The following IMMP2L variants were observed in gnomAD, a reference collection of about 807,000 sequenced individuals.
IMMP2L encodes inner mitochondrial membrane peptidase subunit 2.
A neutral mutation model predicts 19.3 loss-of-function variants in IMMP2L; 18 were observed. That is an observed-to-expected ratio of 0.93 (90% CI 0.64 to 1.38). IMMP2L has a LOEUF of 1.38. Ranked by LOEUF, IMMP2L falls within the 40% of genes most tolerant of loss-of-function variation. The pLI, the probability that IMMP2L is intolerant of heterozygous loss-of-function variation, is 0.00. For missense variants in IMMP2L, 233 were observed against 218.2 expected (o/e 1.07, Z -0.43); for synonymous variants, 76 against 73.0 (o/e 1.04, Z -0.21).
intron 4 of IMMP2L, among the ~76,000 whole-genome samples, chr7:110,916,976 G>A (rs1279301359): frequency 1.3e-5 from 2 of 152,098 alleles, no homozygotes; most frequent in East Asian, 3.9e-4. Flanking sequence ...AACCTATGAA[G>A]GTGATGTTCT....
intron 3 of IMMP2L, among the ~76,000 whole-genome samples, chr7:111,416,185 A>ATGGGATATGTACTTT (rs1834940686): frequency 1.3e-5 from 2 of 151,948 alleles, no homozygotes; most frequent in South Asian, 4.1e-4. Flanking sequence ...TATCCCATTA[A>ATGGGATATGTACTTT]AGTACATATT....
At chr7:111,551,014 T>C (rs1429094777) in intron 1 of IMMP2L, among the ~76,000 whole-genome samples, 2 of 152,164 alleles carry the variant, frequency 1.3e-5, no homozygotes, top group Non-Finnish European at 2.9e-5. Flanking sequence ...GTTTACATAA[T>C]GGGAAAATCA....
rs1459474353 is a variant in IMMP2L at position 111,450,712 on chromosome 7, A to T, written c.239+36526T>A. Among the ~76,000 whole-genome samples the T allele has an allele frequency of 3.3e-5, 5 of 151,182 alleles. No homozygotes were observed. In the South Asian group the frequency reaches 1.0e-3, roughly 32 times the overall value. Reference sequence around the variant, plus strand: ...ACCAAAGCCAAAATTGACAAATGGGATCTAATTAAACTAAAGAGCTTCTGC... The same window carrying T: ...ACCAAAGCCAAAATTGACAAATGGGTTCTAATTAAACTAAAGAGCTTCTGC... On this transcript the variant is annotated intron_variant, in intron 3 of 5. Transcript: ENST00000405709.
intron 3 of IMMP2L, among the ~76,000 whole-genome samples, chr7:111,053,073 C>T (rs149110516): frequency 1.3e-5 from 2 of 152,282 alleles, no homozygotes; most frequent in African/African-American, 4.8e-5. Flanking sequence ...GGCCATAACG[C>T]AGAAGCAGAG....
intron 5 of IMMP2L, among the ~76,000 whole-genome samples, chr7:110,848,358 A>T (rs1805874406): frequency 6.6e-6 from 1 of 152,174 alleles, no homozygotes; most frequent in African/African-American, 2.4e-5. Flanking sequence ...CAACAATGAG[A>T]TACCACCACA....
chr7:111,061,743 C>T (rs969548543), intron 3 of IMMP2L, among the ~76,000 whole-genome samples: 6 of 145,996 alleles, frequency 4.1e-5, no homozygotes, highest in Non-Finnish European at 9.4e-5. Flanking sequence ...CAATTCTCCA[C>T]AGTTCAGCCA....
At chr7:110,748,324 TAA>T (rs1797496432) in intron 5 of IMMP2L, among the ~76,000 whole-genome samples, 1 of 152,048 alleles carries the variant, frequency 6.6e-6, no homozygotes, top group Admixed American at 6.6e-5. Flanking sequence ...CATACTGCCC[TAA>T]GTAATTTATA....
chr7:111,088,905 G>A lies in IMMP2L; in HGVS notation c.240-125340C>T, dbSNP rs181484680. ...GAACAAGATAGAAATTCCAGTCAAA[G>A]AACAGAATCGCCATCCTTTTCATCC... On this transcript the variant is annotated intron_variant, in intron 3 of 5. Transcript: ENST00000405709. Among the ~76,000 whole-genome samples the A allele has an allele frequency of 9.9e-5, 15 of 152,174 alleles. No homozygotes were observed. The East Asian group carries it at 2.5e-3, about 26-fold the overall frequency.
intron 5 of IMMP2L, among the ~76,000 whole-genome samples, chr7:110,723,242 A>T (rs1795686543): frequency 6.6e-6 from 1 of 152,188 alleles, no homozygotes; most frequent in South Asian, 2.1e-4. Context: ...TAGGGACAGA[A>T]GTTATGCATG....
chr7:111,367,217 T>C (rs865888664), intron 3 of IMMP2L, among the ~76,000 whole-genome samples: 7 of 151,490 alleles, frequency 4.6e-5, no homozygotes, highest in Middle Eastern at 3.4e-3. Flanking sequence ...TTAGGAAATA[T>C]TACATCAGAA....
intron 5 of IMMP2L, among the ~76,000 whole-genome samples, chr7:110,860,211 C>A (rs1056906729): frequency 6.6e-6 from 1 of 151,962 alleles, no homozygotes; most frequent in African/African-American, 2.4e-5. Context: ...GAGGAAAATA[C>A]AAGATAATTA....
At chr7:111,106,031 T>C (rs917271719) in intron 3 of IMMP2L, among the ~76,000 whole-genome samples, 3 of 151,982 alleles carry the variant, frequency 2.0e-5, no homozygotes. Flanking sequence ...CAGTTAATTT[T>C]CTTAGAAACA....
chr7:111,121,208 T>C (rs887287439), intron 3 of IMMP2L, among the ~76,000 whole-genome samples: 3 of 152,046 alleles, frequency 2.0e-5, no homozygotes, highest in Non-Finnish European at 4.4e-5. Context: ...GGGTTGTTTG[T>C]TTTTTTCTTG....
At chr7:111,167,873 G>C (rs1806004384) in intron 3 of IMMP2L, among the ~76,000 whole-genome samples, 1 of 151,910 alleles carries the variant, frequency 6.6e-6, no homozygotes, top group Non-Finnish European at 1.5e-5. Context: ...TATGCAATAT[G>C]AATTCTTTCA....
chr7:111,095,110 T>G (rs1797267959), intron 3 of IMMP2L, among the ~76,000 whole-genome samples: 1 of 151,916 alleles, frequency 6.6e-6, no homozygotes, highest in African/African-American at 2.4e-5. Context: ...GTGCCATTAA[T>G]AAAAACACAT....
At chr7:111,513,166 T>C (rs764348617) in intron 2 of IMMP2L, among the ~76,000 whole-genome samples, 1 of 151,942 alleles carries the variant, frequency 6.6e-6, no homozygotes, top group Admixed American at 6.6e-5. Flanking sequence ...ACAATCAACA[T>C]GGTAAAGAGA....
chr7:110,699,692 C>T (rs991911199), intron 5 of IMMP2L, among the ~76,000 whole-genome samples: 16 of 150,840 alleles, frequency 1.1e-4, no homozygotes, highest in African/African-American at 3.4e-4. Flanking sequence ...CACTTGAACC[C>T]AGGAGGCGAA....
chr7:110,907,909 G>A (rs2129548008), intron 4 of IMMP2L, among the ~76,000 whole-genome samples: 1 of 152,206 alleles, frequency 6.6e-6, no homozygotes, highest in Non-Finnish European at 1.5e-5. Context: ...TATTCCCAGG[G>A]TGAACAGGTA....
chr7:110,992,841 T>C (rs1380710026), intron 3 of IMMP2L, among the ~76,000 whole-genome samples: 3 of 152,088 alleles, frequency 2.0e-5, no homozygotes, highest in African/African-American at 7.2e-5. Context: ...GCAAATAAAT[T>C]CATCTTGTCC....
Sources: gnomAD v4.1 joint callset for allele counts (sites outside exome capture counted in the v4.1 genomes callset) on GRCh38, gnomAD v4.1.1 for gene constraint, MANE v1.5 for transcripts, NCBI Gene and HGNC (gene_info 2026-07-23, HGNC 2026-07-21) for gene names.